Variants in AK8 observed in about 807,000 individuals in gnomAD.
AK8 encodes ATP-AMP transphosphorylase 8.
Under a neutral mutation model 54.6 loss-of-function variants are expected in AK8, and 44 were observed. The ratio of observed to expected loss-of-function variants is 0.81; its 90% CI spans 0.63 to 1.04. The LOEUF (loss-of-function observed/expected upper bound fraction) is 1.04. Ranked by LOEUF, AK8 falls within the 50% of genes least tolerant of loss-of-function variation. AK8 has a pLI of 0.00. For missense variants in AK8, 555 were observed against 613.6 expected (o/e 0.90, Z 1.01); for synonymous variants, 239 against 245.6 (o/e 0.97, Z 0.25).
intron 5 of AK8, among the ~76,000 whole-genome samples, 182 bp from the exon 6 acceptor site, chr9:132,828,908 C>T (rs1409526666): frequency 6.6e-6 from 1 of 151,664 alleles, no homozygotes; most frequent in Admixed American, 6.6e-5. Flanking sequence ...TATTCCCTTC[C>T]GAATCATATC....
intron 11 of AK8, among the ~76,000 whole-genome samples, chr9:132,744,417 CAAA>C (rs35007270): frequency 1.3e-4 from 15 of 117,934 alleles, no homozygotes; most frequent in South Asian, 1.1e-3. Context: ...AGACACGTGC[CAAA>C]AAAAAAAAAA....
At chr9:132,769,206 A>C (rs1215897219) in intron 11 of AK8, 11 of 152,380 alleles carry the variant, frequency 7.2e-5, no homozygotes. Context: ...TGCACAGTCC[A>C]GGCACCACCC....
chr9:132,792,827 C>T, intron 10 of AK8, 52 bp from the exon 11 acceptor site: 3 of 1,514,154 alleles, frequency 2.0e-6, no homozygotes, highest in Non-Finnish European at 2.7e-6. Flanking sequence ...GCCCATGGGT[C>T]CTGGGCTTCC....
intron 9 of AK8, among the ~76,000 whole-genome samples, chr9:132,821,716 T>C (rs917937195): frequency 4.1e-5 from 6 of 147,600 alleles, no homozygotes; most frequent in Non-Finnish European, 9.0e-5. Flanking sequence ...CGTACATTTG[T>C]ATGTATATAC....
At chr9:132,777,437 G>T (rs1354386241) in intron 11 of AK8, among the ~76,000 whole-genome samples, 1 of 152,134 alleles carries the variant, frequency 6.6e-6, no homozygotes, top group Non-Finnish European at 1.5e-5. Flanking sequence ...GAGCTGCTTG[G>T]ACTCCACACC....
At chr9:132,828,762 T>A in intron 5 of AK8, 36 bp from the exon 6 acceptor site, 1 of 1,522,230 alleles carries the variant, frequency 6.6e-7, no homozygotes, top group Non-Finnish European at 8.9e-7. Context: ...TCATCTGTTT[T>A]GAGTTTTAGA....
In AK8 at chr9:132,790,087, G is replaced by A. The variant is rs1337217158; in HGVS notation, c.1121+2547C>T. 1.3e-5 allele frequency among the ~76,000 whole-genome samples: 2 copies of A among 152,120 alleles called. No homozygotes were observed. The highest frequency in any genetic ancestry group is 1.5e-5 in the Non-Finnish European group (1 of 68,034). ...AGCAGTAGAATAATATTCCATGAACGAACAATATGCCATGACCAAACCAGT... is the reference window on the plus strand; with the variant it reads ...AGCAGTAGAATAATATTCCATGAACAAACAATATGCCATGACCAAACCAGT... On this transcript the variant is annotated intron_variant, in intron 11 of 12. Transcript: ENST00000298545. This position sits in a 1 kb window ranked among gnomAD's most constrained non-coding sequence, Gnocchi z 4.1.
intron 4 of AK8, among the ~76,000 whole-genome samples, chr9:132,855,323 G>A (rs1843135193): frequency 2.0e-5 from 3 of 152,208 alleles, no homozygotes; most frequent in Admixed American, 6.5e-5. Flanking sequence ...ACTAACCACC[G>A]CACACGCTAA....
At chr9:132,875,380 G>A in intron 1 of AK8, 181 bp from the exon 2 acceptor site, 1 of 949,390 alleles carries the variant, frequency 1.1e-6, no homozygotes, top group East Asian at 1.2e-4. Flanking sequence ...GCATGAGGGG[G>A]GCCACGTGGT....
chr9:132,877,769 G>C (rs1180458593), intron 1 of AK8: 1 of 465,242 alleles, frequency 2.1e-6, no homozygotes, highest in East Asian at 6.4e-5. Flanking sequence ...GGGCCGAGAG[G>C]CTCCCCACAA....
At chr9:132,847,514 G>T (rs1304454334) in intron 5 of AK8, among the ~76,000 whole-genome samples, 2 of 152,226 alleles carry the variant, frequency 1.3e-5, no homozygotes, top group East Asian at 3.8e-4. Context: ...AACACTGCCT[G>T]ATGGGCAAGA....
upstream of AK8, chr9:132,878,506 G>C: frequency 8.3e-7 from 1 of 1,200,112 alleles, no homozygotes; most frequent in South Asian, 4.3e-5. This position sits in a 1 kb window ranked among gnomAD's most constrained non-coding sequence, Gnocchi z 4.7. Flanking sequence ...ACCCTCAGGT[G>C]GCTTCCAGCT....
chr9:132,812,894 C>CGT (rs1841132228), intron 10 of AK8, among the ~76,000 whole-genome samples: 1 of 131,554 alleles, frequency 7.6e-6, no homozygotes, highest in African/African-American at 2.9e-5. Context: ...ACACAGATCA[C>CGT]CTCATTCTGT....
chr9:132,757,908 C>T (rs980852786), intron 11 of AK8, among the ~76,000 whole-genome samples: 2 of 152,170 alleles, frequency 1.3e-5, no homozygotes, highest in Non-Finnish European at 2.9e-5. Flanking sequence ...TAAACACTTC[C>T]ACAGCTTGAG....
chr9:132,878,897 C>T (rs774178175), upstream of AK8: 24 of 512,138 alleles, frequency 4.7e-5, no homozygotes, highest in African/African-American at 1.7e-4. This position sits in a 1 kb window ranked among gnomAD's most constrained non-coding sequence, Gnocchi z 4.7. Context: ...CCCCACCCAC[C>T]CTCGCCTCCC....
intron 5 of AK8, among the ~76,000 whole-genome samples, chr9:132,846,790 G>A (rs370030959): frequency 1.3e-5 from 2 of 152,354 alleles, no homozygotes; most frequent in South Asian, 2.1e-4. Context: ...TGTGCACCAT[G>A]TGCCTGGTCT....
chr9:132,762,746 A>G (rs975438492), intron 11 of AK8, among the ~76,000 whole-genome samples: 1 of 152,158 alleles, frequency 6.6e-6, no homozygotes, highest in African/African-American at 2.4e-5. Context: ...TCTACTAAAA[A>G]TACAAAAATT....
intron 11 of AK8, among the ~76,000 whole-genome samples, chr9:132,754,557 A>G (rs7868546): frequency 0.26 from 39,188 of 152,088 alleles, 6,932 homozygotes; most frequent in African/African-American, 0.5. Context: ...TTTCCATTGT[A>G]AAGAGTAAAA....
intron 11 of AK8, among the ~76,000 whole-genome samples, chr9:132,728,231 T>A (rs1382767288): frequency 1.3e-5 from 2 of 152,216 alleles, no homozygotes; most frequent in East Asian, 1.9e-4. Flanking sequence ...CAGGGACAGA[T>A]GCGGGACAGC....
Sources: gnomAD v4.1 joint callset for allele counts (sites outside exome capture counted in the v4.1 genomes callset) on GRCh38, gnomAD v4.1.1 for gene constraint, Gnocchi (gnomAD v3.1) non-coding constraint, MANE v1.5 for transcripts, NCBI Gene and HGNC (gene_info 2026-07-23, HGNC 2026-07-21) for gene names.